STIM2: variants seen among roughly 807,000 people sequenced by gnomAD.
The protein encoded by STIM2 is stromal interaction molecule 2.
STIM2 carries 31 observed loss-of-function variants against 85.8 expected under a neutral mutation model. The observed-to-expected ratio is 0.36, with a 90% CI of 0.27 to 0.49. The LOEUF is 0.49. STIM2 is among the 20% of genes least tolerant of loss of function. The pLI, the probability that STIM2 is intolerant of heterozygous loss-of-function variation, is 0.98. For missense variants in STIM2, 841 were observed against 927.6 expected, an observed-to-expected ratio of 0.91 and a Z score of 1.21; for synonymous variants, 356 against 331.1, an observed-to-expected ratio of 1.08 and a Z score of -0.82.
intron 1 of STIM2, chr4:26,874,179 G>A (rs1275911436): frequency 6.1e-6 from 3 of 495,034 alleles, no homozygotes; most frequent in South Asian, 1.6e-5. Context: ...GTTGATGGCT[G>A]TCAGGGGCAG....
intron 2 of STIM2, 28 bp from the exon 3 acceptor site, chr4:26,957,584 A>G (rs769112287): frequency 7.9e-7 from 1 of 1,263,752 alleles, no homozygotes; most frequent in Non-Finnish European, 1.1e-6. Flanking sequence ...ATGAATTTAT[A>G]TTTAACTTAA....
chr4:26,934,766 A>C (rs1202114267), intron 2 of STIM2, among the ~76,000 whole-genome samples: 1 of 152,122 alleles, frequency 6.6e-6, no homozygotes, highest in East Asian at 1.9e-4. Flanking sequence ...ATACAAAATT[A>C]GATGGGCATA....
chr4:26,914,440 C>T (rs180787370), intron 1 of STIM2, among the ~76,000 whole-genome samples: 78 of 152,248 alleles, frequency 5.1e-4, no homozygotes, highest in African/African-American at 1.8e-3. Flanking sequence ...TCTTTGAAGC[C>T]TTTCTTGCTG....
At position 26,957,571 on chromosome 4, in the gene STIM2, G is replaced by A; in HGVS notation, c.283-41G>A. 3 of 1,160,824 alleles carry A rather than the reference G, an allele frequency of 2.6e-6. No homozygotes were observed. The South Asian group carries it at 5.0e-5, about 19-fold the overall frequency. The allele number at this position is 1,160,824 out of a possible 1,614,324, so 71.9% of individuals were successfully genotyped here. Reference sequence around the variant, plus strand: ...TTTTTCTCTAGTTGTCAAGACTAAGGTAATGAATTTATATTTAACTTAATG... The same window carrying A: ...TTTTTCTCTAGTTGTCAAGACTAAGATAATGAATTTATATTTAACTTAATG... On this transcript the variant is annotated intron_variant, in intron 2 of 11. Coordinates refer to ENST00000467087, the MANE Select transcript of STIM2 (RefSeq NM_020860.4).
At chr4:26,883,421 CTTATA>C (rs896643375) in intron 1 of STIM2, among the ~76,000 whole-genome samples, 3 of 151,922 alleles carry the variant, frequency 2.0e-5, no homozygotes, top group African/African-American at 7.3e-5. Context: ...ATATACCTGT[CTTATA>C]TTGTATATAA....
At chr4:26,943,165 C>T (rs767227068) in intron 2 of STIM2, among the ~76,000 whole-genome samples, 9 of 150,328 alleles carry the variant, frequency 6.0e-5, no homozygotes, top group Admixed American at 1.3e-4. Context: ...GAAAAAATGC[C>T]AGTATTTTAA....
At chr4:26,889,345 A>G (rs111333596) in intron 1 of STIM2, among the ~76,000 whole-genome samples, 72 of 152,362 alleles carry the variant, frequency 4.7e-4, no homozygotes, top group Non-Finnish European at 8.8e-4. Flanking sequence ...GAACATGGTA[A>G]GACCAGTGAA....
chr4:26,933,140 C>T (rs999094464), intron 2 of STIM2, among the ~76,000 whole-genome samples: 15 of 149,460 alleles, frequency 1.0e-4, no homozygotes, highest in Non-Finnish European at 1.8e-4. Context: ...GCAGAGGGCA[C>T]GCAAGTCATA....
intron 1 of STIM2, among the ~76,000 whole-genome samples, chr4:26,883,748 C>T (rs1050378225): frequency 6.6e-6 from 1 of 152,166 alleles, no homozygotes; most frequent in African/African-American, 2.4e-5. Flanking sequence ...TTGAAGGAGA[C>T]TTAATGCTGT....
chr4:27,024,031 C>G lies in STIM2; in HGVS notation c.*1035C>G, dbSNP rs1729002676. On this transcript the variant is annotated 3_prime_UTR_variant, in exon 12 of 12. Coordinates refer to ENST00000467087, the MANE Select transcript of STIM2 (RefSeq NM_020860.4). Reference sequence around the variant, plus strand: ...TATGTTTTCTGGAGAGCTGTGTAAGCTGTCTTGTTGCTTAGTTGCAATATA... The same window carrying G: ...TATGTTTTCTGGAGAGCTGTGTAAGGTGTCTTGTTGCTTAGTTGCAATATA... The G allele has an allele frequency of 6.6e-6, 1 of 152,596 alleles. No individual in the cohort carries two copies. The highest frequency in any genetic ancestry group is 1.5e-5 in the Non-Finnish European group (1 of 68,040). The allele number at this position is 152,596 out of a possible 1,614,324, so 9.5% of individuals were successfully genotyped here. A position where few individuals can be genotyped will look rare whatever the true frequency, so the allele number is the denominator to read the frequency against.
chr4:27,017,803 C>A lies in STIM2; in HGVS notation c.1582C>A (p.Arg528=), dbSNP rs754578090. The A allele has an allele frequency of 6.2e-7, 1 of 1,614,118 alleles. No homozygotes were observed. Among genetic ancestry groups the A allele is most frequent in the Non-Finnish European group, 8.5e-7 (1 of 1,180,030 alleles). The change falls in exon 11 of 12, where the codon CGA becomes AGA. Residue 528 remains arginine (R), a synonymous_variant. Coordinates refer to ENST00000467087, the MANE Select transcript of STIM2 (RefSeq NM_020860.4). ...TGTGCCGTCCTCGCCTCAGCCTCAG[C>A]GAGCTCAGCTTGCTCCACACGCCCC...
chr4:26,914,423 C>T (rs1724456592), intron 1 of STIM2, among the ~76,000 whole-genome samples: 1 of 152,174 alleles, frequency 6.6e-6, no homozygotes, highest in South Asian at 2.1e-4. Context: ...GTGTAAATGT[C>T]ACTTTCTCTT....
At chr4:26,976,821 T>C (rs1184559579) in intron 3 of STIM2, among the ~76,000 whole-genome samples, 1 of 152,012 alleles carries the variant, frequency 6.6e-6, no homozygotes, top group African/African-American at 2.4e-5. Context: ...CAAAAAAAAT[T>C]ATTTTTCCTG....
Position 26,955,073 on chromosome 4 carries a change from ATTTCTAAGAATTCTTAGGAATTCTTAG to A in STIM2, c.283-2538_283-2512del, listed in dbSNP as rs1180203296. ...AGAAATAAAATTTCTTAGAAATTTTATTTCTAAGAATTCTTAGGAATTCTTAGGAGTTCTTTTATACCATATGAGCTA... is the reference window on the plus strand; with the variant it reads ...AGAAATAAAATTTCTTAGAAATTTTAGAGTTCTTTTATACCATATGAGCTA... On this transcript the variant is annotated intron_variant, in intron 2 of 11. Transcript: ENST00000467087. Among the ~76,000 whole-genome samples the A allele has an allele frequency of 8.9e-5, 13 of 146,770 alleles. 1 individual carries two copies. Among genetic ancestry groups the A allele is most frequent in the African/African-American group, 3.4e-4 (13 of 38,426 alleles).
At chr4:26,896,173 C>CCA (rs1723692922) in intron 1 of STIM2, among the ~76,000 whole-genome samples, 1 of 152,214 alleles carries the variant, frequency 6.6e-6, no homozygotes, top group African/African-American at 2.4e-5. Flanking sequence ...ATACATGACT[C>CCA]CACAACATGG....
chr4:26,942,474 C>T (rs1725646742), intron 2 of STIM2, among the ~76,000 whole-genome samples: 1 of 152,108 alleles, frequency 6.6e-6, no homozygotes, highest in Admixed American at 6.6e-5. Flanking sequence ...AACAAAAACT[C>T]TCAAAAGGAC....
At chr4:26,978,316 A>G (rs1476795704) in intron 3 of STIM2, among the ~76,000 whole-genome samples, 1 of 148,298 alleles carries the variant, frequency 6.7e-6, no homozygotes, top group Non-Finnish European at 1.5e-5. Context: ...TATATATATG[A>G]ATATATATTA....
At chr4:26,997,034 T>C (rs1276656027) in intron 4 of STIM2, among the ~76,000 whole-genome samples, 1 of 152,142 alleles carries the variant, frequency 6.6e-6, no homozygotes, top group Non-Finnish European at 1.5e-5. Flanking sequence ...AAAAACATTA[T>C]AACTTCAGTT....
chr4:26,919,529 A>G lies in STIM2; in HGVS notation c.177A>G (p.Pro59=). The stretch of plus-strand genomic sequence containing the variant: ...ATCCCTGCATGTCACTGAGTCCACC[A>G]TGCTTTACAGAAGAAGACAGATTTA... Residue 59 remains proline, a synonymous_variant, in exon 2 of 12, where the codon CCA becomes CCG. Coordinates refer to ENST00000467087, the MANE Select transcript of STIM2 (RefSeq NM_020860.4). 3 of 1,613,676 alleles carry G rather than the reference A, an allele frequency of 1.9e-6. No individual in the cohort carries two copies. Among genetic ancestry groups the G allele is most frequent in the Middle Eastern group, 1.7e-4 (1 of 6,058 alleles).
Sources: gnomAD v4.1 joint callset for allele counts (sites outside exome capture counted in the v4.1 genomes callset) on GRCh38, gnomAD v4.1.1 for gene constraint, MANE v1.5 for transcripts, NCBI Gene and HGNC (gene_info 2026-07-23, HGNC 2026-07-21) for gene names.